SGF29: variants seen among roughly 807,000 people sequenced by gnomAD.
SGF29 encodes SAGA complex associated factor 29.
A neutral mutation model predicts 38.1 loss-of-function variants in SGF29; 15 were observed. The observed-to-expected ratio is 0.39, with a 90% confidence interval of 0.26 to 0.61. SGF29 has a LOEUF of 0.61. Ranked by LOEUF, SGF29 falls within the 20% of genes least tolerant of loss-of-function variation. The probability of loss-of-function intolerance (pLI) is 0.49; values close to 1 mark genes in which losing one functional copy is unlikely to be tolerated. For missense variants in SGF29, 184 were observed against 394.6 expected, an observed-to-expected ratio of 0.47 and a Z score of 4.52; for synonymous variants, 151 against 160.8, an observed-to-expected ratio of 0.94 and a Z score of 0.46.
At chr16:28,579,798 G>A (rs2046915276) in intron 1 of SGF29, among the ~76,000 whole-genome samples, 1 of 151,796 alleles carries the variant, frequency 6.6e-6, no homozygotes. Context: ...GGACATGGTG[G>A]CACACACCTG....
At position 28,581,026 on chromosome 16, in the gene SGF29, G is replaced by A. The variant is rs1298892349; in HGVS notation, c.-15-29G>A. The A allele has an allele frequency of 2.6e-6, 4 of 1,536,206 alleles. No homozygotes were observed. In the Admixed American group the frequency reaches 6.8e-5, roughly 26 times the overall value. Reference sequence around the variant, plus strand: ...TCAGCCCACAGCAGCCACTAACAGAGTTCTCTTCTGTCCTCGCTCCCCCAC... The same window carrying A: ...TCAGCCCACAGCAGCCACTAACAGAATTCTCTTCTGTCCTCGCTCCCCCAC... On this transcript the variant is annotated intron_variant, in intron 1 of 9. Coordinates refer to ENST00000317058, the MANE Select transcript of SGF29 (RefSeq NM_138414.3).
chr16:28,559,103 T>C (rs1195818547), intron 1 of SGF29, among the ~76,000 whole-genome samples: 1 of 152,168 alleles, frequency 6.6e-6, no homozygotes, highest in African/African-American at 2.4e-5. Flanking sequence ...GAAGATTGCT[T>C]GAGCCCAGTA....
chr16:28,578,610 TG>T (rs758089342), intron 1 of SGF29, among the ~76,000 whole-genome samples: 15 of 148,884 alleles, frequency 1.0e-4, no homozygotes, highest in Non-Finnish European at 1.8e-4. Context: ...GTTGATTAAG[TG>T]GGGGGAAGAG....
At chr16:28,560,363 G>T (rs1486999778) in intron 1 of SGF29, among the ~76,000 whole-genome samples, 1 of 150,780 alleles carries the variant, frequency 6.6e-6, no homozygotes, top group African/African-American at 2.4e-5. Flanking sequence ...GGCTGAGGTG[G>T]GTGGATCACG....
At chr16:28,556,802 C>T (rs2046755637) in intron 1 of SGF29, among the ~76,000 whole-genome samples, 1 of 152,124 alleles carries the variant, frequency 6.6e-6, no homozygotes, top group African/African-American at 2.4e-5. Flanking sequence ...CACCACCCTG[C>T]CCAGCTAATT....
intron 2 of SGF29, among the ~76,000 whole-genome samples, chr16:28,582,316 A>C (rs1368373175): frequency 2.0e-5 from 3 of 152,166 alleles, no homozygotes; most frequent in Non-Finnish European, 2.9e-5. Context: ...ATAGGATGAA[A>C]GGGATGGATA....
intron 1 of SGF29, among the ~76,000 whole-genome samples, chr16:28,568,638 G>A (rs2046847559): frequency 6.6e-6 from 1 of 152,148 alleles, no homozygotes; most frequent in Non-Finnish European, 1.5e-5. Flanking sequence ...TTCTTGGCCA[G>A]GAGCAGTGGC....
intron 1 of SGF29, among the ~76,000 whole-genome samples, chr16:28,575,151 A>G (rs1356032342): frequency 1.3e-5 from 2 of 152,178 alleles, no homozygotes; most frequent in African/African-American, 4.8e-5. Flanking sequence ...TACTGGCACC[A>G]GGATCCACCA....
intron 4 of SGF29, among the ~76,000 whole-genome samples, chr16:28,588,212 G>A (rs1204403608): frequency 6.6e-6 from 1 of 152,148 alleles, no homozygotes; most frequent in Non-Finnish European, 1.5e-5. Context: ...CTGCCACCCT[G>A]GAATCCCCAT....
intron 1 of SGF29, among the ~76,000 whole-genome samples, chr16:28,578,963 T>C (rs1013042007): frequency 6.6e-6 from 1 of 151,682 alleles, no homozygotes; most frequent in African/African-American, 2.4e-5. Context: ...AAATAAAAAA[T>C]AAAAATAGAG....
In SGF29 at chr16:28,590,863, G is replaced by A. The variant is rs1032128978; in HGVS notation, c.693G>A (p.Glu231=). 6.2e-7 allele frequency: 1 copy of A among 1,613,848 alleles called. No individual in the cohort carries two copies. Among genetic ancestry groups the A allele is most frequent in the African/African-American group, 1.3e-5 (1 of 74,922 alleles). Residue 231 remains glutamate, a synonymous_variant, in exon 9 of 10, where the codon GAG becomes GAA. Coordinates refer to ENST00000317058, the MANE Select transcript of SGF29 (RefSeq NM_138414.3). The surrounding 1 kb of genome is among the most constrained non-coding windows in gnomAD (Gnocchi z 8.2). ...ACCCTGAGGCCTTGTTCCAGAAGGAGCAGCTCGTGCTGGCCCTGTATCCCC... is the reference window on the plus strand; with the variant it reads ...ACCCTGAGGCCTTGTTCCAGAAGGAACAGCTCGTGCTGGCCCTGTATCCCC... The part of the protein sequence containing the change: ...ETDPEALFQK[E]QLVLALYPQT...
chr16:28,591,507 C>T (rs2046990742), intron 9 of SGF29, 83 bp from the exon 10 acceptor site: 12 of 940,602 alleles, frequency 1.3e-5, no homozygotes, highest in South Asian at 3.9e-5. Context: ...CCCAGAGCCT[C>T]CTGTGGTCTA....
chr16:28,588,364 G>C (rs1456495508), intron 4 of SGF29, among the ~76,000 whole-genome samples: 1 of 152,094 alleles, frequency 6.6e-6, no homozygotes, highest in Non-Finnish European at 1.5e-5. Context: ...CCCTCCTTTT[G>C]TGTGACCCTC....
chr16:28,576,622 C>T (rs980247338), intron 1 of SGF29, among the ~76,000 whole-genome samples: 3 of 151,034 alleles, frequency 2.0e-5, no homozygotes, highest in East Asian at 3.9e-4. Context: ...ATTGCTTGAA[C>T]GAGAGAGGCA....
In SGF29 at chr16:28,584,919, C is replaced by T. The variant is rs760553306; in HGVS notation, c.82C>T (p.Arg28Cys). 3 of 1,612,548 alleles carry T rather than the reference C, an allele frequency of 1.9e-6. No homozygotes were observed. Among genetic ancestry groups the T allele is most frequent in the East Asian group, 2.2e-5 (1 of 44,852 alleles). Residue 28 changes from arginine (R) to cysteine (C), a missense_variant, in exon 3 of 10, where the codon CGT (arginine) becomes TGT (cysteine). By Grantham distance (180) the Arg-to-Cys change is radical (BLOSUM62 -3). This residue lies in a region of SGF29 where 77 missense variants were observed against 117.7 expected (regional missense o/e 0.65). Coordinates refer to ENST00000317058, the MANE Select transcript of SGF29 (RefSeq NM_138414.3). ...HQLIKQTQEE[R>C]SRSEHNLVNI... ...GCTGCTCTTTTCCTTACAGGAAGAG[C>T]GTTCGCGGAGCGAACACAACTTAGT...
Position 28,589,145 on chromosome 16 carries a change from G to C in SGF29, c.270G>C (p.Leu90=), listed in dbSNP as rs765193522. The C allele has an allele frequency of 1.2e-6, 2 of 1,614,198 alleles. No homozygotes were observed. The highest frequency in any genetic ancestry group is 1.7e-6 in the Non-Finnish European group (2 of 1,180,010). The part of the protein sequence containing the change: ...ALDKIAEIKS[L]LEERRIAAKI... ...ACAAGATCGCGGAAATCAAGTCTCT[G>C]TTGGAAGAGAGGCGGATTGGTGAGT... is the stretch of plus-strand genomic sequence containing the variant. Residue 90 remains leucine, a synonymous_variant, in exon 5 of 10, where the codon CTG becomes CTC. Transcript: ENST00000317058.
chr16:28,554,236 G>T (rs1467168745), intron 1 of SGF29, 139 bp downstream of exon 1: 3 of 151,884 alleles, frequency 2.0e-5, no homozygotes, highest in East Asian at 1.9e-4. Flanking sequence ...GGGCGGGAGG[G>T]GGGCGGGGCT....
chr16:28,566,930 A>C (rs1447961270), intron 1 of SGF29, among the ~76,000 whole-genome samples: 2 of 152,142 alleles, frequency 1.3e-5, no homozygotes, highest in African/African-American at 4.8e-5. Flanking sequence ...TTGGCCTCCC[A>C]AACTGCTGCA....
chr16:28,573,335 G>C (rs1596601966), intron 1 of SGF29, among the ~76,000 whole-genome samples: 2 of 152,156 alleles, frequency 1.3e-5, no homozygotes, highest in Non-Finnish European at 2.9e-5. Flanking sequence ...GTAGCATCAT[G>C]TCAAGATCAG....
Sources: allele counts gnomAD v4.1 joint callset (sites outside exome capture counted in the v4.1 genomes callset), GRCh38; gene constraint gnomAD v4.1.1; regional missense constraint gnomAD v4.1.1; non-coding constraint Gnocchi (gnomAD v3.1); transcripts MANE v1.5; gene names NCBI Gene and HGNC (gene_info 2026-07-23, HGNC 2026-07-21).